Variants in GPHN observed in about 807,000 individuals in gnomAD.
GPHN encodes the protein gephyrin.
A neutral mutation model predicts 95.5 loss-of-function variants in GPHN; 17 were observed. That is an observed-to-expected ratio of 0.18 (90% CI 0.12 to 0.27). The LOEUF is 0.27. Among genes scored for constraint, GPHN ranks in the 10% least tolerant of loss-of-function variants. GPHN has a pLI of 1.00. For missense variants in GPHN, 660 were observed against 978.1 expected (o/e 0.67, Z 4.34); for synonymous variants, 320 against 322.5 (o/e 0.99, Z 0.08).
intron 4 of GPHN, among the ~76,000 whole-genome samples, chr14:66,840,732 C>T (rs1596100981): frequency 9.2e-6 from 1 of 109,026 alleles, no homozygotes. Context: ...GAGTGCAGGC[C>T]ATACAAAAAA....
downstream of GPHN, among the ~76,000 whole-genome samples, chr14:67,183,070 T>C (rs528619576): frequency 3.2e-4 from 48 of 152,088 alleles, no homozygotes; most frequent in Admixed American, 9.2e-4. Flanking sequence ...GGAAAAAGAG[T>C]ATTCCAAAAA....
the GPHN span, among the ~76,000 whole-genome samples, chr14:67,193,541 ATATATC>A: frequency 6.9e-6 from 1 of 144,466 alleles, no homozygotes; most frequent in African/African-American, 2.5e-5. Context: ...CTATAGAAAT[ATATATC>A]TATATATAGA....
At chr14:67,188,422 G>A in the GPHN span, among the ~76,000 whole-genome samples, 44 of 152,086 alleles carry the variant, frequency 2.9e-4, no homozygotes, top group Non-Finnish European at 5.6e-4. Context: ...TCAAGGTACC[G>A]CAGAATTAAA....
At chr14:67,202,046 G>A in the GPHN span, among the ~76,000 whole-genome samples, 1 of 152,182 alleles carries the variant, frequency 6.6e-6, no homozygotes. Context: ...TTCCTCAGGG[G>A]AGACTTCCAT....
At chr14:66,866,402 A>G (rs1167608022) in intron 4 of GPHN, among the ~76,000 whole-genome samples, 2 of 152,178 alleles carry the variant, frequency 1.3e-5, no homozygotes, top group African/African-American at 4.8e-5. Flanking sequence ...ATGAGATACA[A>G]AGTAGTACTG....
the GPHN span, among the ~76,000 whole-genome samples, chr14:67,230,751 C>G: frequency 2.3e-3 from 351 of 152,274 alleles, no homozygotes; most frequent in African/African-American, 8.2e-3. Flanking sequence ...TATGGTCATA[C>G]AGTGATACTA....
intron 11 of GPHN, among the ~76,000 whole-genome samples, chr14:67,063,653 T>A (rs1650599610): frequency 6.6e-6 from 1 of 152,208 alleles, no homozygotes; most frequent in African/African-American, 2.4e-5. Flanking sequence ...TCACATCCCT[T>A]GTAAATTGGA....
chr14:67,201,674 G>A, the GPHN span: 1 of 382,052 alleles, frequency 2.6e-6, no homozygotes, highest in Admixed American at 3.0e-5. Context: ...CCTGAGCTGG[G>A]TCATCATCCC....
chr14:66,657,646 T>C (rs915570199), intron 1 of GPHN, among the ~76,000 whole-genome samples: 87 of 152,210 alleles, frequency 5.7e-4, no homozygotes, highest in African/African-American at 2.1e-3. Context: ...GAATTTACTC[T>C]TCCTATGCTC....
chr14:67,215,481 G>A, the GPHN span, among the ~76,000 whole-genome samples: 3 of 150,524 alleles, frequency 2.0e-5, no homozygotes, highest in African/African-American at 7.4e-5. Flanking sequence ...TTGTAAGTCT[G>A]ATGTGTTAGA....
intron 9 of GPHN, among the ~76,000 whole-genome samples, chr14:67,014,444 G>A (rs976130337): frequency 7.9e-5 from 12 of 151,896 alleles, no homozygotes; most frequent in Middle Eastern, 3.4e-3. Flanking sequence ...ACCATTCTCC[G>A]TCACCCCTAC....
At chr14:66,527,292 G>A (rs901586283) in intron 1 of GPHN, among the ~76,000 whole-genome samples, 1 of 151,050 alleles carries the variant, frequency 6.6e-6, no homozygotes, top group African/African-American at 2.4e-5. Flanking sequence ...ATGGTAGTTT[G>A]TATTTCTGTG....
chr14:66,533,780 A>G (rs2059030349), intron 1 of GPHN, among the ~76,000 whole-genome samples: 1 of 152,238 alleles, frequency 6.6e-6, no homozygotes, highest in African/African-American at 2.4e-5. Context: ...TTGGAATTAC[A>G]GGAGTGAACA....
intron 9 of GPHN, among the ~76,000 whole-genome samples, chr14:66,968,732 T>C (rs892335412): frequency 2.6e-5 from 4 of 152,168 alleles, no homozygotes; most frequent in Admixed American, 2.6e-4. Context: ...ACAGTGTTTA[T>C]TAACTCATTA....
intron 11 of GPHN, among the ~76,000 whole-genome samples, chr14:67,074,907 A>G (rs2076437105): frequency 6.6e-6 from 1 of 152,320 alleles, no homozygotes; most frequent in East Asian, 1.9e-4. Flanking sequence ...ATAATATAAC[A>G]ATGCAAGGTG....
At chr14:66,775,005 C>G (rs958132739) in intron 2 of GPHN, among the ~76,000 whole-genome samples, 7 of 151,958 alleles carry the variant, frequency 4.6e-5, no homozygotes, top group Non-Finnish European at 8.8e-5. Flanking sequence ...AGATTAAAAC[C>G]TATACGTTCT....
At chr14:66,548,258 G>T (rs1483671119) in intron 1 of GPHN, among the ~76,000 whole-genome samples, 4 of 147,242 alleles carry the variant, frequency 2.7e-5, no homozygotes, top group Non-Finnish European at 4.4e-5. Flanking sequence ...TCGGCTCACT[G>T]CAACCTCTTC....
At chr14:67,735,267 T>G in the GPHN span, 2 of 1,074,728 alleles carry the variant, frequency 1.9e-6, no homozygotes, top group Non-Finnish European at 2.9e-6. Flanking sequence ...CACTACTCCT[T>G]CAGAATCGCC....
At chr14:66,938,299 A>G (rs1168679592) in intron 8 of GPHN, among the ~76,000 whole-genome samples, 1 of 152,206 alleles carries the variant, frequency 6.6e-6, no homozygotes, top group Non-Finnish European at 1.5e-5. Flanking sequence ...ATATTAGTTT[A>G]AGAAATCAGG....
Sources: gnomAD v4.1 joint callset for allele counts (sites outside exome capture counted in the v4.1 genomes callset) on GRCh38, gnomAD v4.1.1 for gene constraint, MANE v1.5 for transcripts, NCBI Gene and HGNC (gene_info 2026-07-23, HGNC 2026-07-21) for gene names.